Variants in PDZD2 observed in about 807,000 individuals in gnomAD.
PDZD2 encodes PDZ domain containing 2.
In PDZD2, 90 loss-of-function variants were observed where a neutral mutation model predicts 220.7. That is an observed-to-expected ratio of 0.41 (90% CI 0.34 to 0.49). The LOEUF (loss-of-function observed/expected upper bound fraction) is 0.49, where lower values mean the gene tolerates loss of function less well. Among genes scored for constraint, PDZD2 ranks in the 20% least tolerant of loss-of-function variants. The pLI, the probability that PDZD2 is intolerant of heterozygous loss-of-function variation, is 0.28. For synonymous variants in PDZD2, 1,375 were observed against 1,450.5 expected (o/e 0.95, Z 1.18); for missense variants, 3,174 against 3,608.5 (o/e 0.88, Z 3.08).
At chr5:31,820,068 C>T (rs12656568) in intron 2 of PDZD2, among the ~76,000 whole-genome samples, 12,849 of 152,234 alleles carry the variant, frequency 0.084, 714 homozygotes, top group Middle Eastern at 0.14. Context: ...GCTCCCAATG[C>T]GGTGCCTCCC....
At chr5:31,869,104 A>G (rs1738501500) in intron 2 of PDZD2, among the ~76,000 whole-genome samples, 1 of 152,196 alleles carries the variant, frequency 6.6e-6, no homozygotes, top group African/African-American at 2.4e-5. Flanking sequence ...AGAAAATCCC[A>G]AAGAGAAAGA....
At chr5:31,922,767 C>G (rs78720757) in intron 2 of PDZD2, among the ~76,000 whole-genome samples, 2,014 of 152,252 alleles carry the variant, frequency 0.013, 40 homozygotes, top group African/African-American at 0.038. Flanking sequence ...CCCGCCCCCC[C>G]CTCCGGGCTC....
At chr5:31,904,672 C>T (rs577569661) in intron 2 of PDZD2, among the ~76,000 whole-genome samples, 3 of 152,114 alleles carry the variant, frequency 2.0e-5, no homozygotes, top group South Asian at 4.2e-4. Context: ...GGACTACAGG[C>T]GCCCACCACC....
At chr5:31,774,921 G>A (rs968823973) in intron 1 of PDZD2, among the ~76,000 whole-genome samples, 1 of 152,126 alleles carries the variant, frequency 6.6e-6, no homozygotes, top group Non-Finnish European at 1.5e-5. Context: ...GGCAGGGAGG[G>A]GCCATCCTGA....
At chr5:31,665,239 T>TC (rs200793203) in intron 1 of PDZD2, among the ~76,000 whole-genome samples, 16 of 23,394 alleles carry the variant, frequency 6.8e-4, no homozygotes, top group African/African-American at 9.8e-4. Flanking sequence ...GCCTGCCTCT[T>TC]CCCCGTGTGT....
intron 1 of PDZD2, among the ~76,000 whole-genome samples, chr5:31,752,088 T>TTTTTTTTTTTTTC: frequency 7.1e-6 from 1 of 141,022 alleles, no homozygotes; most frequent in Non-Finnish European, 1.5e-5. Flanking sequence ...TTTTTTTTTT[T>TTTTTTTTTTTTTC]TTCTGAGACA....
chr5:32,051,939 G>T (rs1738596391), intron 8 of PDZD2, among the ~76,000 whole-genome samples: 1 of 152,178 alleles, frequency 6.6e-6, no homozygotes, highest in South Asian at 2.1e-4. Context: ...ACTTGGGATG[G>T]AGGCAGGGGT....
At chr5:31,837,263 T>G (rs1248529389) in intron 2 of PDZD2, among the ~76,000 whole-genome samples, 2 of 152,160 alleles carry the variant, frequency 1.3e-5, no homozygotes, top group Non-Finnish European at 2.9e-5. Context: ...CACACTTTGC[T>G]GACGAGAAGC....
intron 14 of PDZD2, among the ~76,000 whole-genome samples, chr5:32,064,640 T>A: frequency 6.6e-6 from 1 of 152,182 alleles, no homozygotes; most frequent in East Asian, 1.9e-4. Context: ...AAGTTGTATT[T>A]AAGAAAATTT....
chr5:31,972,858 CTG>C (rs1299352128), intron 2 of PDZD2, among the ~76,000 whole-genome samples: 1 of 152,154 alleles, frequency 6.6e-6, no homozygotes, highest in Non-Finnish European at 1.5e-5. Flanking sequence ...TGTGGTAGAG[CTG>C]TGTGTCTAGA....
At chr5:31,750,963 C>T (rs1375796651) in intron 1 of PDZD2, among the ~76,000 whole-genome samples, 1 of 152,068 alleles carries the variant, frequency 6.6e-6, no homozygotes, top group Non-Finnish European at 1.5e-5. Context: ...GAAGCATGGG[C>T]CAGGCACGGT....
At chr5:31,934,267 A>AGTCCACGC (rs1284969197) in intron 2 of PDZD2, among the ~76,000 whole-genome samples, 1 of 152,194 alleles carries the variant, frequency 6.6e-6, no homozygotes, top group Non-Finnish European at 1.5e-5. Flanking sequence ...TGTGAGCAGG[A>AGTCCACGC]GTCCACGCTT....
At chr5:31,721,337 A>G (rs1352825970) in intron 1 of PDZD2, among the ~76,000 whole-genome samples, 1 of 152,172 alleles carries the variant, frequency 6.6e-6, no homozygotes, top group Non-Finnish European at 1.5e-5. Flanking sequence ...CTGCCTGGAA[A>G]GTGCTCAGGC....
chr5:31,966,926 C>T (rs1283285906), intron 2 of PDZD2, among the ~76,000 whole-genome samples: 3 of 152,190 alleles, frequency 2.0e-5, no homozygotes, highest in South Asian at 2.1e-4. Flanking sequence ...ATGCTCCGTA[C>T]ACTGTAGAGA....
In PDZD2 at chr5:31,799,419, C is replaced by G. The variant is rs535317525; in HGVS notation, c.171C>G (p.Val57=). The G allele has an allele frequency of 6.2e-7, 1 of 1,614,180 alleles. No individual in the cohort carries two copies. The highest frequency in any genetic ancestry group is 1.3e-5 in the African/African-American group (1 of 75,046). The change falls in exon 2 of 25, where the codon GTC becomes GTG. Residue 57 remains valine, a synonymous_variant. Coordinates refer to ENST00000438447, the MANE Select transcript of PDZD2 (RefSeq NM_178140.4). ...QLNFAVDEST[V]PPDHSPPEME... The stretch of plus-strand genomic sequence containing the variant: ...ACTTTGCTGTGGATGAGAGTACGGT[C>G]CCACCTGATCACAGCCCCCCCGAAA...
intron 1 of PDZD2, among the ~76,000 whole-genome samples, chr5:31,687,240 G>T (rs867960586): frequency 5.9e-5 from 9 of 152,228 alleles, no homozygotes; most frequent in Middle Eastern, 6.8e-3. Flanking sequence ...AAATGCAAGA[G>T]TGTATATGAG....
rs530420238 is a variant in PDZD2, at chr5:32,073,539, G to A, written c.2726-293G>A. On this transcript the variant is annotated intron_variant, in intron 17 of 24. Transcript: ENST00000438447. ...GTGTTAGATAATCATGGAGGTGGAA[G>A]TATTAAGTTTCTGTCTTCCAACAGC... Among the ~76,000 whole-genome samples, 327 of 150,256 alleles carry A rather than the reference G, an allele frequency of 2.2e-3. 2 individuals carry two copies. The highest frequency in any genetic ancestry group is 7.5e-3 in the African/African-American group (304 of 40,798).
chr5:32,079,269 C>CAAAAAAAAAAAAAA (rs796887034), intron 19 of PDZD2, among the ~76,000 whole-genome samples: 1 of 82,836 alleles, frequency 1.2e-5, no homozygotes, highest in African/African-American at 5.4e-5. Context: ...AAAAAAAAAA[C>CAAAAAAAAAAAAAA]AAAAAAAAAA....
intron 6 of PDZD2, among the ~76,000 whole-genome samples, chr5:32,034,390 G>T (rs1328881280): frequency 1.4e-5 from 2 of 138,748 alleles, no homozygotes; most frequent in African/African-American, 5.5e-5. Context: ...ACAGAGTCTC[G>T]CTCTGTCACC....
Sources: allele counts gnomAD v4.1 joint callset (sites outside exome capture counted in the v4.1 genomes callset), GRCh38; gene constraint gnomAD v4.1.1; transcripts MANE v1.5; gene names NCBI Gene and HGNC (gene_info 2026-07-23, HGNC 2026-07-21).